TM9SF2: variants seen among roughly 807,000 people sequenced by gnomAD.
TM9SF2 encodes the protein transmembrane 9 superfamily member 2.
In TM9SF2, 13 loss-of-function variants were observed where a neutral mutation model predicts 84.9. The observed-to-expected ratio is 0.15, with a 90% CI of 0.10 to 0.24. The LOEUF is 0.24. Ranked by LOEUF, TM9SF2 falls within the 10% of genes least tolerant of loss-of-function variation. The pLI is 1.00. For missense variants in TM9SF2, 562 were observed against 818.5 expected (o/e 0.69, Z 3.82); for synonymous variants, 273 against 285.8 (o/e 0.96, Z 0.45).
rs183535104 is a variant in TM9SF2, at chr13:99,516,190, C to G, written c.172-1424C>G. ...AACCCAGGCAGTTTGACCACAGAAC[C>G]TGTAATCTTGCCTGCTGTGTTTTGC... is the stretch of plus-strand genomic sequence containing the variant. On this transcript the variant is annotated intron_variant, in intron 1 of 16. Transcript: ENST00000376387. Among the ~76,000 whole-genome samples, 64 of 152,328 alleles carry G rather than the reference C, an allele frequency of 4.2e-4. 1 individual carries two copies. In the East Asian group the frequency reaches 0.011, roughly 27 times the overall value.
At chr13:99,546,883 T>A (rs2046284855) in intron 10 of TM9SF2, 102 bp from the exon 11 acceptor site, 2 of 1,521,278 alleles carry the variant, frequency 1.3e-6, no homozygotes, top group Non-Finnish European at 1.8e-6. Context: ...TGCGTGAAGT[T>A]GTATTTTTTT....
intron 1 of TM9SF2, among the ~76,000 whole-genome samples, chr13:99,504,523 A>G (rs897320121): frequency 6.6e-6 from 1 of 152,204 alleles, no homozygotes; most frequent in Non-Finnish European, 1.5e-5. Flanking sequence ...TAATTTAGGT[A>G]GTAGAGTGTT....
chr13:99,502,845 T>G (rs2046072721), intron 1 of TM9SF2, among the ~76,000 whole-genome samples: 1 of 152,258 alleles, frequency 6.6e-6, no homozygotes, highest in South Asian at 2.1e-4. Context: ...TTTATTACAG[T>G]TAGCTTTACT....
chr13:99,519,992 A>T, intron 2 of TM9SF2, 44 bp from the exon 3 acceptor site: 1 of 1,575,188 alleles, frequency 6.3e-7, no homozygotes, highest in Non-Finnish European at 8.7e-7. Context: ...TTGATATTTC[A>T]TCGTTCCCTT....
At chr13:99,502,024 C>T (rs2046068610) in intron 1 of TM9SF2, among the ~76,000 whole-genome samples, 1 of 152,220 alleles carries the variant, frequency 6.6e-6, no homozygotes, top group African/African-American at 2.4e-5. Flanking sequence ...CCAAGTGGCA[C>T]GAGCAGCTGT....
At chr13:99,541,918 G>A (rs1232833547) in intron 9 of TM9SF2, among the ~76,000 whole-genome samples, 1 of 152,108 alleles carries the variant, frequency 6.6e-6, no homozygotes, top group Admixed American at 6.5e-5. Context: ...GGGAGGCCGG[G>A]GTGGGCGGAT....
rs36003040 is a variant in TM9SF2 at position 99,530,080 on chromosome 13, C to CA, written c.461+498dup. ...TAATTAAAAAATACATTATTGCTTA[C>CA]AAAAAAAAAAAAGGCTGACACAAAG... On this transcript the variant is annotated intron_variant, in intron 4 of 16. Coordinates refer to ENST00000376387, the MANE Select transcript of TM9SF2 (RefSeq NM_004800.3). 2.9e-3 allele frequency among the ~76,000 whole-genome samples: 395 copies of CA among 134,086 alleles called. 1 individual carries two copies. The highest frequency in any genetic ancestry group is 7.2e-3 in the African/African-American group (265 of 36,770). The allele number at this position is 134,086 out of a possible 152,430, so 88.0% of individuals were successfully genotyped here.
chr13:99,516,483 C>T (rs1163713905), intron 1 of TM9SF2, among the ~76,000 whole-genome samples: 1 of 152,218 alleles, frequency 6.6e-6, no homozygotes, highest in Non-Finnish European at 1.5e-5. Flanking sequence ...CTTCAGGGCA[C>T]ACGTGACTTG....
chr13:99,550,755 T>C (rs1309010273), intron 12 of TM9SF2, among the ~76,000 whole-genome samples: 3 of 152,208 alleles, frequency 2.0e-5, no homozygotes, highest in Admixed American at 2.0e-4. Context: ...TTGATAATAT[T>C]GAGCATTGTT....
intron 3 of TM9SF2, among the ~76,000 whole-genome samples, chr13:99,521,274 C>T (rs1447682340): frequency 6.6e-6 from 1 of 152,116 alleles, no homozygotes; most frequent in Non-Finnish European, 1.5e-5. Context: ...ATTAGATTTA[C>T]TTATTTGTTT....
intron 1 of TM9SF2, among the ~76,000 whole-genome samples, chr13:99,502,722 A>G (rs1038814914): frequency 5.9e-5 from 9 of 152,216 alleles, no homozygotes; most frequent in African/African-American, 1.9e-4. Flanking sequence ...CATTTGGGGG[A>G]TGAGGATCTC....
In TM9SF2 at chr13:99,540,704, TCTC is replaced by T. The variant is rs749306232; in HGVS notation, c.829-6_829-4del. On this transcript the variant is annotated splice_region_variant and splice_polypyrimidine_tract_variant and intron_variant, in intron 7 of 16. Transcript: ENST00000376387. Reference sequence around the variant, plus strand: ...ATGTTTACTTAAAGAGATTTTTTAATCTCCTCTAGGAAGATGATAAGATCAGAT... The same window carrying T: ...ATGTTTACTTAAAGAGATTTTTTAATCTCTAGGAAGATGATAAGATCAGAT... 4 of 1,605,430 alleles carry T rather than the reference TCTC, an allele frequency of 2.5e-6. No individual in the cohort carries two copies. In the South Asian group the frequency reaches 3.4e-5, roughly 14 times the overall value.
chr13:99,522,023 T>C (rs2046162855), intron 3 of TM9SF2, among the ~76,000 whole-genome samples: 1 of 151,724 alleles, frequency 6.6e-6, no homozygotes, highest in South Asian at 2.1e-4. Context: ...TTTCAAATAC[T>C]TTTTTTTTCT....
chr13:99,505,968 A>AT (rs897833074), intron 1 of TM9SF2, among the ~76,000 whole-genome samples: 2 of 152,120 alleles, frequency 1.3e-5, no homozygotes, highest in African/African-American at 4.8e-5. Flanking sequence ...AAAGATTAAG[A>AT]TTTTTTTTCC....
intron 15 of TM9SF2, among the ~76,000 whole-genome samples, chr13:99,559,132 C>G (rs965610410): frequency 6.6e-6 from 1 of 152,162 alleles, no homozygotes; most frequent in African/African-American, 2.4e-5. Context: ...GCTGCTTCCA[C>G]ACATTTTTAG....
At position 99,501,676 on chromosome 13, in the gene TM9SF2, C is replaced by T; in HGVS notation, c.70C>T (p.Leu24=). The T allele has an allele frequency of 6.2e-7, 1 of 1,613,296 alleles. No homozygotes were observed. The highest frequency in any genetic ancestry group is 8.5e-7 in the Non-Finnish European group (1 of 1,179,762). The change falls in exon 1 of 17, where the codon CTG becomes TTG. Residue 24 remains leucine, a synonymous_variant. Transcript: ENST00000376387. The part of the protein sequence containing the change: ...PRLLLLSLLL[L]GAVPGPRRSG... ...GCTGTTGCTGCTGTCGCTGCTCCTG[C>T]TGGGGGCGGTTCCTGGCCCGCGCCG...
chr13:99,533,766 C>T (rs1407226038), intron 4 of TM9SF2, among the ~76,000 whole-genome samples: 1 of 152,174 alleles, frequency 6.6e-6, no homozygotes, highest in Admixed American at 6.5e-5. Context: ...TCAAGTGATT[C>T]TCCTGCCTCT....
chr13:99,561,675 G>A (rs565675545), intron 16 of TM9SF2, among the ~76,000 whole-genome samples: 2 of 152,246 alleles, frequency 1.3e-5, no homozygotes, highest in Non-Finnish European at 2.9e-5. Flanking sequence ...ATAGTCTCTT[G>A]ATTTAGAAAA....
intron 1 of TM9SF2, among the ~76,000 whole-genome samples, chr13:99,513,603 T>A (rs150355747): frequency 3.3e-5 from 5 of 152,336 alleles, no homozygotes; most frequent in African/African-American, 1.2e-4. Flanking sequence ...CCTCTGAGAT[T>A]TGAATTCAAA....
Sources: allele counts gnomAD v4.1 joint callset (sites outside exome capture counted in the v4.1 genomes callset), GRCh38; gene constraint gnomAD v4.1.1; transcripts MANE v1.5; gene names NCBI Gene and HGNC (gene_info 2026-07-23, HGNC 2026-07-21).